TMEM97: variants seen among roughly 807,000 people sequenced by gnomAD.
TMEM97 encodes transmembrane protein 97, also known as sigma intracellular receptor 2.
In TMEM97, 13 loss-of-function variants were observed where a neutral mutation model predicts 18.3. That is an observed-to-expected ratio of 0.71 (90% CI 0.46 to 1.13). The LOEUF is 1.13. Among genes scored for constraint, TMEM97 ranks in the 50% most tolerant of loss-of-function variants. The pLI is 0.00. For missense variants in TMEM97, 205 were observed against 210.5 expected, an observed-to-expected ratio of 0.97 and a Z score of 0.16; for synonymous variants, 76 against 85.3, an observed-to-expected ratio of 0.89 and a Z score of 0.60.
At chr17:28,321,800 C>CTGTGTGTGTGTGTGTGTGTGTGTG (rs538038865) in intron 1 of TMEM97, among the ~76,000 whole-genome samples, 2 of 132,206 alleles carry the variant, frequency 1.5e-5, no homozygotes, top group Non-Finnish European at 3.2e-5. Context: ...TGGCCAGAAC[C>CTGTGTGTGTGTGTGTGTGTGTGTG]TGTGTGTGTG....
chr17:28,326,432 G>A (rs1019195187), intron 2 of TMEM97, 102 bp from the exon 3 acceptor site: 20 of 1,391,686 alleles, frequency 1.4e-5, no homozygotes, highest in Non-Finnish European at 1.9e-5. Context: ...ACTTGGAGAA[G>A]GGAGTAGAAG....
At chr17:28,322,137 C>T (rs1170178097) in intron 1 of TMEM97, among the ~76,000 whole-genome samples, 18 of 152,232 alleles carry the variant, frequency 1.2e-4, no homozygotes, top group African/African-American at 4.3e-4. Context: ...TGTAGGAGAT[C>T]ACCTAGTGGT....
Position 28,319,248 on chromosome 17 carries a change from T to C in TMEM97, c.9T>C (p.Ala3=). The C allele has an allele frequency of 6.2e-7, 1 of 1,608,356 alleles. No individual in the cohort carries two copies. The highest frequency in any genetic ancestry group is 1.1e-5 in the South Asian group (1 of 90,686). Residue 3 remains alanine (A), a synonymous_variant, in exon 1 of 3, where the codon GCT becomes GCC. Coordinates refer to ENST00000226230, the MANE Select transcript of TMEM97 (RefSeq NM_014573.3). ...GGCCCAACCGACAGACTATGGGGGCTCCGGCAACCAGGCGCTGCGTGGAGT... is the reference window on the plus strand; with the variant it reads ...GGCCCAACCGACAGACTATGGGGGCCCCGGCAACCAGGCGCTGCGTGGAGT... MG[A]PATRRCVEWL...
chr17:28,319,201 T>A lies in TMEM97; in HGVS notation c.-39T>A. On this transcript the variant is annotated 5_prime_UTR_variant, in exon 1 of 3. Transcript: ENST00000226230. ...TGGGAAGGCGCGCGGATTTGGCCCC[T>A]CTTCTCACATCAGCGGGTCCAGGCC... 3.9e-6 allele frequency: 6 copies of A among 1,554,154 alleles called. No individual in the cohort carries two copies. The highest frequency in any genetic ancestry group is 5.2e-6 in the Non-Finnish European group (6 of 1,148,980).
chr17:28,323,613 G>A (rs1555575139), intron 1 of TMEM97, among the ~76,000 whole-genome samples: 1 of 152,034 alleles, frequency 6.6e-6, no homozygotes, highest in Non-Finnish European at 1.5e-5. Flanking sequence ...TGGCCAGGCT[G>A]GTCTCAAACT....
Position 28,326,675 on chromosome 17 carries a change from A to G in TMEM97, c.413A>G (p.His138Arg), listed in dbSNP as rs141535226. The G allele has an allele frequency of 2.8e-4, 460 of 1,614,198 alleles. 1 individual carries two copies. The highest frequency in any genetic ancestry group is 3.6e-4 in the Non-Finnish European group (426 of 1,180,042). ...GFKGQRPETL[H>R]ERLTLVSVYA... is the part of the protein sequence containing the mutation. ...AAGGGACAAAGACCTGAGACTTTGCATGAACGGTTAACCCTTGTGTCTGTC... is the reference window on the plus strand; with the variant it reads ...AAGGGACAAAGACCTGAGACTTTGCGTGAACGGTTAACCCTTGTGTCTGTC... Residue 138 changes from histidine to arginine, a missense_variant, in exon 3 of 3, where the codon CAT (histidine) becomes CGT (arginine). His to Arg is a conservative substitution (Grantham distance 29, BLOSUM62 0). Transcript: ENST00000226230.
intron 2 of TMEM97, 93 bp downstream of exon 2, chr17:28,325,740 C>T: frequency 6.5e-7 from 1 of 1,543,330 alleles, no homozygotes; most frequent in Non-Finnish European, 8.8e-7. Flanking sequence ...GGGATGGTCC[C>T]CATAGTTTGT....
chr17:28,319,540 C>T, intron 1 of TMEM97, 175 bp downstream of exon 1: 1 of 764,830 alleles, frequency 1.3e-6, no homozygotes, highest in South Asian at 2.4e-5. Context: ...CGGGCTTTGT[C>T]TCTATCCCAG....
At chr17:28,326,025 A>G (rs1422227846) in intron 2 of TMEM97, among the ~76,000 whole-genome samples, 1 of 152,246 alleles carries the variant, frequency 6.6e-6, no homozygotes, top group Non-Finnish European at 1.5e-5. Flanking sequence ...GCATCAGGCT[A>G]ATCCCTAATG....
At chr17:28,320,545 G>A (rs921336735) in intron 1 of TMEM97, among the ~76,000 whole-genome samples, 2 of 152,128 alleles carry the variant, frequency 1.3e-5, no homozygotes, top group African/African-American at 4.8e-5. Flanking sequence ...GGCAGGTCAG[G>A]GCTCTATATC....
chr17:28,325,797 T>C, intron 2 of TMEM97, 150 bp downstream of exon 2: 1 of 1,074,628 alleles, frequency 9.3e-7, no homozygotes, highest in South Asian at 1.6e-5. Flanking sequence ...GTAGATCTTG[T>C]AAAGGGACAT....
At chr17:28,325,346 CTGTGT>C (rs1299328924) in intron 1 of TMEM97, among the ~76,000 whole-genome samples, 152 bp from the exon 2 acceptor site, 1 of 152,176 alleles carries the variant, frequency 6.6e-6, no homozygotes, top group African/African-American at 2.4e-5. Flanking sequence ...ACCACCTAGG[CTGTGT>C]CACAAAAGCC....
At chr17:28,319,472 C>G (rs991812231) in intron 1 of TMEM97, 107 bp downstream of exon 1, 2 of 1,354,056 alleles carry the variant, frequency 1.5e-6, no homozygotes, top group Non-Finnish European at 1.9e-6. Flanking sequence ...AGTTGCCTCT[C>G]TCGGGTCCTG....
intron 1 of TMEM97, among the ~76,000 whole-genome samples, chr17:28,321,058 CCT>C (rs1274444372): frequency 6.6e-6 from 1 of 152,212 alleles, no homozygotes; most frequent in African/African-American, 2.4e-5. Flanking sequence ...CATTATTCAG[CCT>C]ACTACAGGGC....
Position 28,328,574 on chromosome 17 carries a change from G to A in TMEM97, c.*1781G>A. The A allele has an allele frequency of 1.2e-6, 1 of 869,294 alleles. No individual in the cohort carries two copies. The highest frequency in any genetic ancestry group is 1.8e-6 in the Non-Finnish European group (1 of 541,956). 53.8% of individuals were successfully genotyped at this position (869,294 alleles called of 1,614,324 possible). A position where few individuals can be genotyped will look rare whatever the true frequency, so the allele number is the denominator to read the frequency against. Reference sequence around the variant, plus strand: ...ACATAGGTCATTGGTCAAGCCGCTGGAATGCTACAGAGGTTTTTTTGGTTT... The same window carrying A: ...ACATAGGTCATTGGTCAAGCCGCTGAAATGCTACAGAGGTTTTTTTGGTTT... On this transcript the variant is annotated 3_prime_UTR_variant, in exon 3 of 3. Coordinates refer to ENST00000226230, the MANE Select transcript of TMEM97 (RefSeq NM_014573.3).
chr17:28,323,137 C>T (rs1555575079), intron 1 of TMEM97, among the ~76,000 whole-genome samples: 1 of 152,210 alleles, frequency 6.6e-6, no homozygotes. Context: ...CTACACGCCT[C>T]ACCCATCTGC....
In TMEM97 at chr17:28,319,360, G is replaced by T; in HGVS notation, c.121G>T (p.Val41Phe). The T allele has an allele frequency of 6.3e-7, 1 of 1,596,024 alleles. No homozygotes were observed. Among genetic ancestry groups the T allele is most frequent in the Non-Finnish European group, 8.5e-7 (1 of 1,171,344 alleles). Reference protein sequence around the residue: ...QAVLPRELYPVEFRNLLKWYA... With the variant: ...QAVLPRELYPFEFRNLLKWYA... The stretch of plus-strand genomic sequence containing the variant: ...GGTGCTGCCGCGCGAGCTCTACCCA[G>T]TCGAGGTGAGGGGCGCCCCTCTTAT... Residue 41 changes from valine to phenylalanine, a missense_variant, in exon 1 of 3, where the codon GTC becomes TTC. By Grantham distance (50) the Val-to-Phe change is conservative. Transcript: ENST00000226230.
In TMEM97 at chr17:28,328,643, A is replaced by C; in HGVS notation, c.*1850A>C. On this transcript the variant is annotated 3_prime_UTR_variant, in exon 3 of 3. Transcript: ENST00000226230. ...TTTGCCTTCCTACTATAAAAGCGAAATTTTCAGTTCATTTCTGAAAAATAA... is the reference window on the plus strand; with the variant it reads ...TTTGCCTTCCTACTATAAAAGCGAACTTTTCAGTTCATTTCTGAAAAATAA... 2 of 1,584,918 alleles carry C rather than the reference A, an allele frequency of 1.3e-6. No individual in the cohort carries two copies. The highest frequency in any genetic ancestry group is 1.7e-6 in the Non-Finnish European group (2 of 1,162,988).
intron 1 of TMEM97, among the ~76,000 whole-genome samples, chr17:28,321,648 G>C (rs1455430918): frequency 6.6e-6 from 1 of 152,112 alleles, no homozygotes; most frequent in Non-Finnish European, 1.5e-5. Flanking sequence ...ACCCAGGCTG[G>C]TCTTCTGGGC....
Sources: gnomAD v4.1 joint callset for allele counts (sites outside exome capture counted in the v4.1 genomes callset) on GRCh38, gnomAD v4.1.1 for gene constraint, MANE v1.5 for transcripts, NCBI Gene and HGNC (gene_info 2026-07-23, HGNC 2026-07-21) for gene names.